BICC1: variants seen among roughly 807,000 people sequenced by gnomAD.
BICC1 encodes protein bicaudal C homolog 1.
Under a neutral mutation model 111.0 loss-of-function variants are expected in BICC1, and 43 were observed. The ratio of observed to expected loss-of-function variants is 0.39; its 90% CI spans 0.30 to 0.50. BICC1 has a LOEUF of 0.50. Ranked by LOEUF, BICC1 falls within the 20% of genes least tolerant of loss-of-function variation. The pLI is 0.88. For missense variants in BICC1, 1,091 were observed against 1,203.2 expected (o/e 0.91, Z 1.38); for synonymous variants, 467 against 434.4 (o/e 1.07, Z -0.93).
intron 1 of BICC1, among the ~76,000 whole-genome samples, chr10:58,515,304 G>A (rs1421001639): frequency 2.0e-5 from 3 of 152,156 alleles, no homozygotes; most frequent in Non-Finnish European, 4.4e-5. Flanking sequence ...TGTTAGAAAT[G>A]TGTCCTTAGG....
At chr10:58,587,247 C>G (rs1844461148) in intron 1 of BICC1, among the ~76,000 whole-genome samples, 1 of 152,128 alleles carries the variant, frequency 6.6e-6, no homozygotes, top group Admixed American at 6.6e-5. Context: ...ATGCTTAACA[C>G]ATTTTATGAG....
chr10:58,596,264 G>C (rs549850286), intron 1 of BICC1, among the ~76,000 whole-genome samples: 1 of 152,010 alleles, frequency 6.6e-6, no homozygotes, highest in African/African-American at 2.4e-5. Context: ...CAACATACAC[G>C]AATCAATAAA....
intron 1 of BICC1, among the ~76,000 whole-genome samples, chr10:58,559,293 A>C (rs1843541495): frequency 6.6e-6 from 1 of 152,030 alleles, no homozygotes; most frequent in Non-Finnish European, 1.5e-5. Context: ...AAATGGTAGC[A>C]TGCTTACTCA....
At chr10:58,571,845 G>T (rs1843961151) in intron 1 of BICC1, among the ~76,000 whole-genome samples, 2 of 152,138 alleles carry the variant, frequency 1.3e-5, no homozygotes, top group East Asian at 1.9e-4. Flanking sequence ...ATTCCTTTGG[G>T]TATAAAGAAA....
intron 2 of BICC1, among the ~76,000 whole-genome samples, chr10:58,656,646 G>T (rs11497853): frequency 1.3e-5 from 2 of 152,104 alleles, no homozygotes; most frequent in East Asian, 3.9e-4. Context: ...ACAAAATTCA[G>T]CAACCCTTCA....
chr10:58,787,658 GT>G (rs1475575571), intron 5 of BICC1, among the ~76,000 whole-genome samples: 17 of 152,172 alleles, frequency 1.1e-4, no homozygotes, highest in African/African-American at 4.1e-4. Context: ...TTCTAAACTA[GT>G]TACAATACTA....
In BICC1 at chr10:58,785,027, A is replaced by G. The variant is rs1842971551; in HGVS notation, c.334A>G (p.Lys112Glu). The change falls in exon 4 of 21, where the codon AAA becomes GAA. Residue 112 changes from lysine to glutamate, a missense_variant. Transcript: ENST00000373886. The part of the protein sequence containing the change: ...KDPHIKVSGK[K>E]EDVKEAKEMI... ...TCCCCATATTAAGGTTTCTGGAAAG[A>G]AAGAAGATGTTAAAGAAGCCAAGGA... The G allele has an allele frequency of 6.3e-7, 1 of 1,599,880 alleles. No homozygotes were observed. Among genetic ancestry groups the G allele is most frequent in the Non-Finnish European group, 8.5e-7 (1 of 1,171,742 alleles).
At chr10:58,724,987 CTG>C (rs1841057783) in intron 3 of BICC1, among the ~76,000 whole-genome samples, 1 of 152,288 alleles carries the variant, frequency 6.6e-6, no homozygotes, top group East Asian at 1.9e-4. Context: ...AGACACCTGT[CTG>C]GTGCAGATGT....
intron 3 of BICC1, among the ~76,000 whole-genome samples, chr10:58,758,891 C>G (rs1842222282): frequency 6.6e-6 from 1 of 150,856 alleles, no homozygotes; most frequent in Non-Finnish European, 1.5e-5. Flanking sequence ...TTGCTTAAGT[C>G]CAATTTAGCT....
chr10:58,814,076 GA>G, intron 18 of BICC1, 90 bp downstream of exon 18: 1 of 1,421,878 alleles, frequency 7.0e-7, no homozygotes, highest in Admixed American at 1.7e-5. Context: ...TGGCCTCTCT[GA>G]CTTCAAGTGC....
intron 3 of BICC1, among the ~76,000 whole-genome samples, chr10:58,718,759 T>C (rs1380990215): frequency 4.0e-5 from 6 of 149,752 alleles, no homozygotes; most frequent in African/African-American, 1.2e-4. Flanking sequence ...TGTGTGTGTG[T>C]GTGTGTGCGC....
intron 2 of BICC1, among the ~76,000 whole-genome samples, chr10:58,689,560 G>A (rs1486950801): frequency 6.6e-6 from 1 of 152,194 alleles, no homozygotes; most frequent in Non-Finnish European, 1.5e-5. Context: ...ATTCTGAAAG[G>A]AGCAATATGT....
At chr10:58,823,749 C>T in intron 20 of BICC1, 2 of 985,204 alleles carry the variant, frequency 2.0e-6, no homozygotes, top group South Asian at 4.7e-5. Context: ...AAAATGGAGG[C>T]CGAAGATAGT....
chr10:58,647,389 C>A (rs974544160), intron 2 of BICC1, among the ~76,000 whole-genome samples: 1 of 152,144 alleles, frequency 6.6e-6, no homozygotes, highest in Non-Finnish European at 1.5e-5. Flanking sequence ...AAAATAACTT[C>A]GCTGCTTTGG....
rs560106237 is a variant in BICC1, at chr10:58,756,362, T to G, written c.308-28639T>G. Among the ~76,000 whole-genome samples, 34 of 152,264 alleles carry G rather than the reference T, an allele frequency of 2.2e-4. No individual in the cohort carries two copies. The East Asian group carries it at 6.0e-3, about 27-fold the overall frequency. On this transcript the variant is annotated intron_variant, in intron 3 of 20. Transcript: ENST00000373886. Reference sequence around the variant, plus strand: ...ACTCGCTGTTTTGTGATTTTGTGTGTGGGGGTGGAGAGGGGCATGGTAATA... The same window carrying G: ...ACTCGCTGTTTTGTGATTTTGTGTGGGGGGGTGGAGAGGGGCATGGTAATA...
At chr10:58,812,735 C>T (rs905785701) in intron 17 of BICC1, among the ~76,000 whole-genome samples, 3 of 152,122 alleles carry the variant, frequency 2.0e-5, no homozygotes, top group African/African-American at 7.2e-5. Flanking sequence ...ACCTTGGCCT[C>T]CCAAAGTGCT....
At chr10:58,575,100 G>T (rs1254345469) in intron 1 of BICC1, among the ~76,000 whole-genome samples, 3 of 151,710 alleles carry the variant, frequency 2.0e-5, no homozygotes, top group Admixed American at 6.6e-5. Flanking sequence ...TGCCATGGTG[G>T]TTTGCTGCAC....
intron 1 of BICC1, among the ~76,000 whole-genome samples, chr10:58,553,871 A>G (rs1351312156): frequency 6.6e-6 from 1 of 151,946 alleles, no homozygotes; most frequent in East Asian, 1.9e-4. Context: ...AAACCAGTCT[A>G]CTGGGTCTGG....
chr10:58,561,656 TTGG>T (rs1302920220), intron 1 of BICC1, among the ~76,000 whole-genome samples: 1 of 152,062 alleles, frequency 6.6e-6, no homozygotes. Context: ...TTGTTTATCT[TTGG>T]TGGTTTTCTG....
Sources: allele counts gnomAD v4.1 joint callset (sites outside exome capture counted in the v4.1 genomes callset), GRCh38; gene constraint gnomAD v4.1.1; transcripts MANE v1.5; gene names NCBI Gene and HGNC (gene_info 2026-07-23, HGNC 2026-07-21).